Variants in NEK4 observed in about 807,000 individuals in gnomAD.
NEK4 encodes serine/threonine-protein kinase Nek4.
Under a neutral mutation model 98.4 loss-of-function variants are expected in NEK4, and 86 were observed. That is an observed-to-expected ratio of 0.87 (90% confidence interval 0.73 to 1.05). The LOEUF is 1.05. NEK4 is among the 50% of genes least tolerant of loss of function. NEK4 has a pLI of 0.00. For missense variants in NEK4, 898 were observed against 950.3 expected (o/e 0.94, Z 0.72); for synonymous variants, 328 against 342.2 (o/e 0.96, Z 0.46).
chr3:52,730,776 T>C (rs1404524805), intron 15 of NEK4, among the ~76,000 whole-genome samples: 1 of 152,192 alleles, frequency 6.6e-6, no homozygotes, highest in African/African-American at 2.4e-5. Context: ...TGGAGCTTTC[T>C]TTGTGGGCCA....
rs763059216 is a variant in NEK4, at chr3:52,711,810, C to T, written c.2493G>A (p.Gln831=). The change falls in exon 16 of 16, where the codon CAG becomes CAA. Residue 831 remains glutamine (Q), a synonymous_variant. Transcript: ENST00000233027. The part of the protein sequence containing the change: ...KYTTYSVKAR[Q]LKFFEENMNF ...TCATGTTTTCTTCAAAAAATTTCAA[C>T]TGGCGAGCTTTCACACTGTAAGTTG... The T allele has an allele frequency of 1.2e-6, 2 of 1,610,988 alleles. No homozygotes were observed. Among genetic ancestry groups the T allele is most frequent in the Non-Finnish European group, 1.7e-6 (2 of 1,178,090 alleles).
At position 52,711,329 on chromosome 3, in the gene NEK4, AACT is replaced by A. The variant is rs1259698274; in HGVS notation, c.*445_*447del. On this transcript the variant is annotated 3_prime_UTR_variant, in exon 16 of 16. Coordinates refer to ENST00000233027, the MANE Select transcript of NEK4 (RefSeq NM_003157.6). ...ACTTTTTAAAATTTTATAATTTATC[AACT>A]ACTCCTTAAGGTTATTAACAATAGC... 5.9e-5 allele frequency: 9 copies of A among 152,668 alleles called. No individual in the cohort carries two copies. Among genetic ancestry groups the A allele is most frequent in the African/African-American group, 2.2e-4 (9 of 41,468 alleles). 9.5% of individuals were successfully genotyped at this position (152,668 alleles called of 1,614,324 possible). A position where few individuals can be genotyped will look rare whatever the true frequency, so the allele number is the denominator to read the frequency against.
chr3:52,715,666 G>A (rs930906529), intron 15 of NEK4, among the ~76,000 whole-genome samples: 1 of 152,170 alleles, frequency 6.6e-6, no homozygotes, highest in Admixed American at 6.5e-5. Flanking sequence ...TGGGATTACA[G>A]GCGTGAGCTA....
In NEK4 at chr3:52,766,192, G is replaced by C. The variant is rs1559451709; in HGVS notation, c.544C>G (p.Pro182Ala). The C allele has an allele frequency of 6.2e-7, 1 of 1,614,016 alleles. No individual in the cohort carries two copies. Among genetic ancestry groups the C allele is most frequent in the Non-Finnish European group, 8.5e-7 (1 of 1,179,914 alleles). ...YMSPELFSNK[P>A]YNYKSDVWAL... ...CCCAATCCTACCTTATAGTTGTAGG[G>C]TTTGTTTGAGAACAATTCAGGGCTC... The change falls in exon 3 of 16, where the codon CCC (proline) becomes GCC (alanine). Residue 182 changes from proline (P) to alanine (A), a missense_variant. By Grantham distance (27) the Pro-to-Ala change is conservative. Coordinates refer to ENST00000233027, the MANE Select transcript of NEK4 (RefSeq NM_003157.6).
At chr3:52,741,534 G>T in intron 12 of NEK4, 35 bp from the exon 13 acceptor site, 2 of 1,326,114 alleles carry the variant, frequency 1.5e-6, no homozygotes, top group South Asian at 1.2e-5. Context: ...AATTCTACAT[G>T]ACAACACAAC....
chr3:52,737,451 A>T, intron 15 of NEK4, 135 bp downstream of exon 15: 1 of 862,444 alleles, frequency 1.2e-6, no homozygotes, highest in Non-Finnish European at 1.8e-6. Context: ...TGACTGTACA[A>T]TGTTGTAAAC....
chr3:52,713,582 G>A (rs1212717360), intron 15 of NEK4, among the ~76,000 whole-genome samples: 6 of 150,532 alleles, frequency 4.0e-5, no homozygotes, highest in African/African-American at 1.5e-4. Context: ...ATCACCTGAG[G>A]TCGGGAGTTC....
At chr3:52,727,119 T>C (rs916031677) in intron 15 of NEK4, among the ~76,000 whole-genome samples, 1 of 152,014 alleles carries the variant, frequency 6.6e-6, no homozygotes, top group Non-Finnish European at 1.5e-5. Flanking sequence ...AGATTACAGA[T>C]GTGTACCACC....
chr3:52,729,680 C>T (rs2097367722), intron 15 of NEK4, among the ~76,000 whole-genome samples: 1 of 149,992 alleles, frequency 6.7e-6, no homozygotes, highest in Non-Finnish European at 1.5e-5. Flanking sequence ...TGCACTCTAG[C>T]CTGGGCGGCT....
chr3:52,716,007 T>C (rs191842035), intron 15 of NEK4, among the ~76,000 whole-genome samples: 407 of 152,296 alleles, frequency 2.7e-3, no homozygotes, highest in Non-Finnish European at 4.3e-3. Flanking sequence ...TGGAAGCTGC[T>C]TGAGGTGCAC....
chr3:52,720,058 G>C (rs956430966), intron 15 of NEK4, among the ~76,000 whole-genome samples: 1 of 152,094 alleles, frequency 6.6e-6, no homozygotes, highest in Non-Finnish European at 1.5e-5. Flanking sequence ...CGAGGTGGGC[G>C]AATCACTTGA....
rs909630942 is a variant in NEK4 at position 52,710,218 on chromosome 3, A to T, written c.*1559T>A. ...TCTACTAAAAAAATACAAAAAAATTAGCCGGGCATGGTGGCGGGCAACTGT... is the reference window on the plus strand; with the variant it reads ...TCTACTAAAAAAATACAAAAAAATTTGCCGGGCATGGTGGCGGGCAACTGT... On this transcript the variant is annotated 3_prime_UTR_variant, in exon 16 of 16. Transcript: ENST00000233027. 6.6e-6 allele frequency: 1 copy of T among 150,844 alleles called. No homozygotes were observed. The highest frequency in any genetic ancestry group is 2.4e-5 in the African/African-American group (1 of 41,202). 9.3% of individuals were successfully genotyped at this position (150,844 alleles called of 1,614,324 possible).
rs574534421 is a variant in NEK4 at position 52,744,227 on chromosome 3, A to G, written c.1894+12T>C. On this transcript the variant is annotated intron_variant, in intron 11 of 15. Coordinates refer to ENST00000233027, the MANE Select transcript of NEK4 (RefSeq NM_003157.6). ...AACTGCCAATTAGATGAAGAAAAGAAGTCAACTTTACCTGAAGAGGACATT... is the reference window on the plus strand; with the variant it reads ...AACTGCCAATTAGATGAAGAAAAGAGGTCAACTTTACCTGAAGAGGACATT... The G allele has an allele frequency of 3.7e-6, 6 of 1,604,574 alleles. No homozygotes were observed. Among genetic ancestry groups the G allele is most frequent in the South Asian group, 1.1e-5 (1 of 90,896 alleles).
intron 6 of NEK4, chr3:52,753,540 G>A (rs1298985555): frequency 3.9e-6 from 2 of 513,014 alleles, no homozygotes; most frequent in African/African-American, 1.9e-5. Context: ...ACTCTTTCTG[G>A]AGCATGTCTA....
Position 52,746,248 on chromosome 3 carries a change from A to G in NEK4, c.1678-38T>C. On this transcript the variant is annotated intron_variant, in intron 9 of 15. Transcript: ENST00000233027. ...AAAAAGAAGATTATCAGTTTCATAT[A>G]TAGCCCCTTCCAATGTTCCCCTATC... is the stretch of plus-strand genomic sequence containing the variant. The G allele has an allele frequency of 1.9e-6, 3 of 1,590,232 alleles. No individual in the cohort carries two copies. In the South Asian group the frequency reaches 3.3e-5, roughly 18 times the overall value.
chr3:52,764,911 C>T (rs1485567957), intron 4 of NEK4, among the ~76,000 whole-genome samples: 1 of 152,154 alleles, frequency 6.6e-6, no homozygotes, highest in Admixed American at 6.5e-5. Context: ...AAGAGAATTT[C>T]ACTCCCTTCT....
intron 15 of NEK4, among the ~76,000 whole-genome samples, chr3:52,728,100 T>C (rs997947762): frequency 1.3e-5 from 2 of 152,140 alleles, no homozygotes; most frequent in African/African-American, 4.8e-5. Context: ...GTGCCAGGCA[T>C]GGTAGCTCAC....
chr3:52,746,445 G>A (rs1251752973), intron 9 of NEK4, among the ~76,000 whole-genome samples: 1 of 152,204 alleles, frequency 6.6e-6, no homozygotes, highest in Non-Finnish European at 1.5e-5. Flanking sequence ...AGAAGCTGAA[G>A]AAAGAACTGT....
In NEK4 at chr3:52,731,660, A is replaced by T. The variant is rs575989509; in HGVS notation, c.2433+5926T>A. ...GAATTAACTCAAAATGTGTCCAATGAGACCTGGAAGTGGATCACGTGGAGT... is the reference window on the plus strand; with the variant it reads ...GAATTAACTCAAAATGTGTCCAATGTGACCTGGAAGTGGATCACGTGGAGT... On this transcript the variant is annotated intron_variant, in intron 15 of 15. Transcript: ENST00000233027. Among the ~76,000 whole-genome samples, 4 of 152,364 alleles carry T rather than the reference A, an allele frequency of 2.6e-5. No individual in the cohort carries two copies. In the East Asian group the frequency reaches 7.7e-4, roughly 29 times the overall value.
Sources: gnomAD v4.1 joint callset for allele counts (sites outside exome capture counted in the v4.1 genomes callset) on GRCh38, gnomAD v4.1.1 for gene constraint, MANE v1.5 for transcripts, NCBI Gene and HGNC (gene_info 2026-07-23, HGNC 2026-07-21) for gene names.